The following SLTM variants were observed in gnomAD, a reference collection of about 807,000 sequenced individuals.
The protein encoded by SLTM is SAFB like transcription modulator.
A neutral mutation model predicts 134.6 loss-of-function variants in SLTM; 43 were observed. The ratio of observed to expected loss-of-function variants is 0.32; its 90% CI spans 0.25 to 0.41. SLTM has a LOEUF of 0.41. Among genes scored for constraint, SLTM ranks in the 10% least tolerant of loss-of-function variants. SLTM has a pLI of 1.00. For synonymous variants in SLTM, 424 were observed against 432.3 expected (o/e 0.98, Z 0.24); for missense variants, 1,055 against 1,288.8 (o/e 0.82, Z 2.78).
chr15:58,887,399 T>G lies in SLTM; in HGVS notation c.2517A>C (p.Arg839Ser). The G allele has an allele frequency of 6.2e-7, 1 of 1,614,100 alleles. No homozygotes were observed. Among genetic ancestry groups the G allele is most frequent in the Admixed American group, 1.7e-5 (1 of 60,018 alleles). The change falls in exon 18 of 21, where the codon AGA (arginine) becomes AGC (serine). Residue 839 changes from arginine (R) to serine (S), a missense_variant. This residue lies in a region of SLTM where 776 missense variants were observed against 962.2 expected (regional missense o/e 0.81). Transcript: ENST00000380516. ...NEPPPPRNELRESDRREVRGE... is the reference protein window; with the variant it reads ...NEPPPPRNELSESDRREVRGE... ...CTCGTACTTCTCGCCTGTCTGATTC[T>G]CTAAGTTCATTTCTTGGTGGTGGAG...
intron 5 of SLTM, among the ~76,000 whole-genome samples, chr15:58,903,752 A>C (rs2035663969): frequency 6.6e-6 from 1 of 152,082 alleles, no homozygotes; most frequent in South Asian, 2.1e-4. Context: ...ACAAGGTTCC[A>C]GGTGAAACTA....
At chr15:58,880,857 C>T (rs1347613232) in intron 20 of SLTM, among the ~76,000 whole-genome samples, 6 of 152,130 alleles carry the variant, frequency 3.9e-5, no homozygotes, top group Middle Eastern at 3.2e-3. Context: ...GGAGCCACCA[C>T]GCCCGGCCAA....
At chr15:58,925,027 G>C (rs1202405016) in intron 2 of SLTM, among the ~76,000 whole-genome samples, 1 of 144,628 alleles carries the variant, frequency 6.9e-6, no homozygotes, top group Non-Finnish European at 1.5e-5. Flanking sequence ...CTTTATGGCT[G>C]AGTAACTTTT....
chr15:58,886,257 G>A (rs868250819), intron 19 of SLTM, among the ~76,000 whole-genome samples: 47 of 110,860 alleles, frequency 4.2e-4, no homozygotes, highest in South Asian at 9.7e-4. Context: ...GTGTGTGTGT[G>A]TGTGTGTGTA....
intron 3 of SLTM, among the ~76,000 whole-genome samples, chr15:58,914,847 A>C (rs941867004): frequency 2.0e-5 from 3 of 152,222 alleles, no homozygotes; most frequent in Non-Finnish European, 4.4e-5. Flanking sequence ...CAAATACATC[A>C]CATATGTTGA....
chr15:58,916,780 T>G, intron 3 of SLTM, 155 bp downstream of exon 3: 13 of 557,680 alleles, frequency 2.3e-5, no homozygotes, highest in East Asian at 3.1e-5. Context: ...TGAGAGTTAA[T>G]GAGATTGACA....
At chr15:58,932,014 C>A in intron 2 of SLTM, 2 of 175,148 alleles carry the variant, frequency 1.1e-5, no homozygotes, top group South Asian at 3.0e-4. Flanking sequence ...GTAGGAATTC[C>A]ATCAAAACTC....
chr15:58,899,440 T>A lies in SLTM; in HGVS notation c.1058+29A>T. The A allele has an allele frequency of 6.4e-7, 1 of 1,566,024 alleles. No individual in the cohort carries two copies. Among genetic ancestry groups the A allele is most frequent in the Non-Finnish European group, 8.8e-7 (1 of 1,138,208 alleles). ...TCTTATTGAATGCTGGAATTCAGTA[T>A]CGTAAAGAACTGACATAGAAAAACA... On this transcript the variant is annotated intron_variant, in intron 7 of 20. Coordinates refer to ENST00000380516, the MANE Select transcript of SLTM (RefSeq NM_024755.4). This position sits in a 1 kb window ranked among gnomAD's most constrained non-coding sequence, Gnocchi z 5.0.
rs1351027709 is a variant in SLTM at position 58,896,977 on chromosome 15, G to T, written c.1227+138C>A. On this transcript the variant is annotated intron_variant, in intron 9 of 20. Coordinates refer to ENST00000380516, the MANE Select transcript of SLTM (RefSeq NM_024755.4). ...CTAACTCTCATCTACCATTACCACA[G>T]AACTCAATAATTATGTCTATTAACA... The T allele has an allele frequency of 9.5e-5, 54 of 570,206 alleles. No homozygotes were observed. The Admixed American group carries it at 1.5e-3, about 16-fold the overall frequency. The allele number at this position is 570,206 out of a possible 1,614,324, so 35.3% of individuals were successfully genotyped here. A position where few individuals can be genotyped will look rare whatever the true frequency, so the allele number is the denominator to read the frequency against.
At chr15:58,887,163 CTTAACT>C (rs1376290209) in intron 18 of SLTM, 44 bp from the exon 19 acceptor site, 6 of 1,612,424 alleles carry the variant, frequency 3.7e-6, no homozygotes, top group Middle Eastern at 1.6e-4. Context: ...AAACTGTAAT[CTTAACT>C]TTTTTTAACC....
At chr15:58,930,207 C>T (rs1595959309) in intron 2 of SLTM, among the ~76,000 whole-genome samples, 1 of 151,514 alleles carries the variant, frequency 6.6e-6, no homozygotes, top group Non-Finnish European at 1.5e-5. Flanking sequence ...TGGGTTCAAG[C>T]GATTCTCCTG....
Position 58,889,517 on chromosome 15 carries a change from CTT to C in SLTM, c.2115_2116del (p.Glu707GlyfsTer12). 6.2e-7 allele frequency: 1 copy of C among 1,614,068 alleles called. No individual in the cohort carries two copies. The highest frequency in any genetic ancestry group is 8.5e-7 in the Non-Finnish European group (1 of 1,179,944). ...CTGTTGTTGCCTTCTGAGTTCCTCT[CTT>C]TCTCGAGCAATCCGTTCAGCTTCCT... On this transcript the variant is annotated frameshift_variant, in exon 16 of 21. Transcript: ENST00000380516. LOFTEE classifies it high-confidence loss of function.
chr15:58,912,190 C>T (rs919828714), intron 5 of SLTM, among the ~76,000 whole-genome samples: 1 of 151,614 alleles, frequency 6.6e-6, no homozygotes, highest in Non-Finnish European at 1.5e-5. Flanking sequence ...AGCTCCACCT[C>T]CTGCGTTCAT....
chr15:58,889,288 C>G (rs1245978759), intron 16 of SLTM, 142 bp downstream of exon 16: 1 of 1,068,104 alleles, frequency 9.4e-7, no homozygotes, highest in Non-Finnish European at 1.3e-6. Context: ...CTGGGTCTAC[C>G]CCAGTACTGT....
Position 58,899,978 on chromosome 15 carries a change from G to T in SLTM, c.590-41C>A. The T allele has an allele frequency of 6.8e-7, 1 of 1,461,302 alleles. No individual in the cohort carries two copies. The highest frequency in any genetic ancestry group is 9.3e-7 in the Non-Finnish European group (1 of 1,073,772). 90.5% of individuals were successfully genotyped at this position (1,461,302 alleles called of 1,614,324 possible). On this transcript the variant is annotated intron_variant, in intron 6 of 20. Transcript: ENST00000380516. This position sits in a 1 kb window ranked among gnomAD's most constrained non-coding sequence, Gnocchi z 5.0. ...AGGAATAAATATGGCAAAACAAGAA[G>T]TTTAAACAATTTCATATTCATAAGC...
At chr15:58,881,864 TG>T (rs201752533) in intron 20 of SLTM, among the ~76,000 whole-genome samples, 2,345 of 151,952 alleles carry the variant, frequency 0.015, 25 homozygotes, top group Middle Eastern at 0.031. Flanking sequence ...CCCAAAGTAC[TG>T]GGATTACAGG....
In SLTM at chr15:58,893,870, A is replaced by G; in HGVS notation, c.1599T>C (p.Ser533=). Reference sequence around the variant, plus strand: ...TTTTAATCGATTCTGATGTTTGGCCACTTGCTCCATTATCATTCTTCTCAT... The same window carrying G: ...TTTTAATCGATTCTGATGTTTGGCCGCTTGCTCCATTATCATTCTTCTCAT... ...GKDEKNDNGA[S]GQTSESIKKS... is the part of the protein sequence containing the mutation. Residue 533 remains serine (S), a synonymous_variant, in exon 12 of 21, where the codon AGT becomes AGC. Coordinates refer to ENST00000380516, the MANE Select transcript of SLTM (RefSeq NM_024755.4). 6.2e-7 allele frequency: 1 copy of G among 1,613,140 alleles called. No individual in the cohort carries two copies.
chr15:58,880,191 T>A (rs1400470248), intron 20 of SLTM, 84 bp from the exon 21 acceptor site: 1 of 1,491,468 alleles, frequency 6.7e-7, no homozygotes, highest in Non-Finnish European at 9.0e-7. Flanking sequence ...CTTGGTACTT[T>A]ATCCAAAATA....
chr15:58,885,838 T>A (rs1284888958), intron 19 of SLTM, among the ~76,000 whole-genome samples: 6 of 148,460 alleles, frequency 4.0e-5, no homozygotes, highest in Admixed American at 1.3e-4. Flanking sequence ...ACACACACAC[T>A]GTATTAAAAT....
Sources: allele counts gnomAD v4.1 joint callset (sites outside exome capture counted in the v4.1 genomes callset), GRCh38; gene constraint gnomAD v4.1.1; regional missense constraint gnomAD v4.1.1; non-coding constraint Gnocchi (gnomAD v3.1); transcripts MANE v1.5; gene names NCBI Gene and HGNC (gene_info 2026-07-23, HGNC 2026-07-21).